Variants in XIST observed in about 807,000 individuals in gnomAD.
The protein encoded by XIST is X inactive specific transcript, also known as X inactive specific transcript (non-protein coding).
chrX:73,841,269 T>G, intron 1 of XIST: 1 of 408,289 alleles, frequency 2.4e-6, no homozygotes, highest in Non-Finnish European at 4.2e-6. Context: ...GCAGATGAGG[T>G]GGGAAGAAGG....
chrX:73,842,308 G>A (rs1427224120), exon 1 of XIST: 3 of 553,052 alleles, frequency 5.4e-6, no homozygotes, highest in African/African-American at 2.2e-5. Context: ...TGCAGAGAAA[G>A]TGCCAACCTT....
At chrX:73,826,642 G>A (rs985477619) in exon 6 of XIST, 2 of 557,441 alleles carry the variant, frequency 3.6e-6, no homozygotes, top group African/African-American at 2.2e-5. Flanking sequence ...AGGGTTTAGG[G>A]TTCTCATCTT....
At chrX:73,838,201 T>C (rs1298257112) in intron 1 of XIST, among the ~76,000 whole-genome samples, 1 of 111,344 alleles carries the variant, frequency 9.0e-6, no homozygotes, top group Non-Finnish European at 1.9e-5. Flanking sequence ...AAATATACTA[T>C]GCCACTAGTT....
chrX:73,822,179 T>C (rs1394805451), exon 6 of XIST: 1 of 557,055 alleles, frequency 1.8e-6, no homozygotes, highest in Non-Finnish European at 3.2e-6. Flanking sequence ...TCCCTCCTGC[T>C]GCCCAGCAGT....
chrX:73,835,988 G>A (rs985270158), intron 2 of XIST, among the ~76,000 whole-genome samples: 14 of 111,334 alleles, frequency 1.3e-4, no homozygotes, highest in African/African-American at 4.6e-4. Context: ...TTATATTTGG[G>A]TTACAATTGC....
At position 73,846,011 on chromosome X, in the gene XIST, T is replaced by C. The variant is rs773834861; in HGVS notation, n.6713A>G. 3 of 553,806 alleles carry C rather than the reference T, an allele frequency of 5.4e-6. No individual in the cohort carries two copies. In the South Asian group the frequency reaches 6.7e-5, roughly 12 times the overall value. 45.6% of individuals were successfully genotyped at this position (553,806 alleles called of 1,213,427 possible). ...TATGCACATTAATGTCCAAGGTGTA[T>C]GCCTGTGGTCACTTACAACTGTGCA... On this transcript the variant is annotated non_coding_transcript_exon_variant, in exon 1 of 6. Coordinates refer to ENST00000429829, the Ensembl canonical transcript of XIST.
At chrX:73,831,252 A>G (rs780814464) in exon 4 of XIST, 8 of 545,189 alleles carry the variant, frequency 1.5e-5, no homozygotes, top group Non-Finnish European at 6.6e-6. Context: ...GTAAAACAAC[A>G]AGCCTATTCT....
exon 1 of XIST, chrX:73,842,107 T>C (rs949706259): frequency 7.5e-6 from 4 of 535,943 alleles, no homozygotes; most frequent in Non-Finnish European, 1.3e-5. Flanking sequence ...AATGGATATT[T>C]TGGCTTCAAA....
chrX:73,846,737 T>C, exon 1 of XIST: 2 of 559,100 alleles, frequency 3.6e-6, no homozygotes, highest in South Asian at 2.2e-5. Context: ...TCACACATAT[T>C]GGGAGGCCAA....
exon 6 of XIST, chrX:73,824,535 G>GTATT (rs1447197526): frequency 1.8e-6 from 1 of 555,005 alleles, no homozygotes; most frequent in Non-Finnish European, 3.3e-6. Flanking sequence ...TATTTAACAG[G>GTATT]TATTTAAACC....
exon 6 of XIST, chrX:73,827,151 G>A (rs1421048093): frequency 1.8e-6 from 1 of 558,309 alleles, no homozygotes; most frequent in African/African-American, 2.2e-5. Context: ...GGGTTTTACT[G>A]CAGTCTAGGG....
At chrX:73,841,079 C>T (rs1430691225) in intron 1 of XIST, among the ~76,000 whole-genome samples, 4 of 111,642 alleles carry the variant, frequency 3.6e-5, no homozygotes, top group Admixed American at 1.9e-4. Flanking sequence ...AGCTCCTCAA[C>T]GATAAAATCA....
chrX:73,852,024 A>C, exon 1 of XIST: 1 of 555,000 alleles, frequency 1.8e-6, no homozygotes, highest in Non-Finnish European at 3.3e-6. Context: ...AAAAAAAATC[A>C]AAGCAGGTAT....
At chrX:73,824,081 T>A (rs1450573425) in exon 6 of XIST, 3 of 552,445 alleles carry the variant, frequency 5.4e-6, no homozygotes, top group Admixed American at 2.2e-5. Context: ...TCAATGATCA[T>A]TCAGCAGATA....
At chrX:73,842,683 G>A (rs1000108401) in exon 1 of XIST, 23 of 556,037 alleles carry the variant, frequency 4.1e-5, no homozygotes, top group Middle Eastern at 6.1e-4. Context: ...GAAGCAATGC[G>A]AAAGGAAGTA....
rs150263261 is a variant in XIST at position 73,827,968 on chromosome X, A to C, written n.11933T>G. ...CAAAGAGCAAAGACAAGAAAGAAAG[A>C]GACAAAGAAATACACACTTGAGTGC... On this transcript the variant is annotated non_coding_transcript_exon_variant, in exon 6 of 6. Transcript: ENST00000429829. The C allele has an allele frequency of 5.9e-5, 30 of 512,218 alleles. No individual in the cohort carries two copies. The African/African-American group carries it at 6.7e-4, about 11-fold the overall frequency. 42.2% of individuals were successfully genotyped at this position (512,218 alleles called of 1,213,427 possible). A position where few individuals can be genotyped will look rare whatever the true frequency, so the allele number is the denominator to read the frequency against.
At chrX:73,850,057 G>A in exon 1 of XIST, 1 of 558,982 alleles carries the variant, frequency 1.8e-6, no homozygotes, top group Non-Finnish European at 3.2e-6. Flanking sequence ...CTGATAAGTA[G>A]GTGATTAGTC....
intron 2 of XIST, among the ~76,000 whole-genome samples, chrX:73,834,705 G>A (rs1922447197): frequency 9.0e-6 from 1 of 111,332 alleles, no homozygotes; most frequent in African/African-American, 3.3e-5. Context: ...AATCACATAG[G>A]CCAGGCGCAG....
rs41305401 is a variant in XIST at position 73,825,397 on chromosome X, C to G, written n.14504G>C. The G allele has an allele frequency of 3.8e-3, 2,122 of 556,144 alleles. 7 individuals are homozygous for G. The highest frequency in any genetic ancestry group is 8.0e-3 in the Middle Eastern group (26 of 3,238). 45.8% of individuals were successfully genotyped at this position (556,144 alleles called of 1,213,427 possible). The stretch of plus-strand genomic sequence containing the variant: ...CTTTCTTTGTATCCACAACGCTTAT[C>G]ACAGTAGAATACAAGTGCTTTACAG... On this transcript the variant is annotated non_coding_transcript_exon_variant, in exon 6 of 6. Coordinates refer to ENST00000429829, the Ensembl canonical transcript of XIST.
Sources: gnomAD v4.1 joint callset for allele counts (sites outside exome capture counted in the v4.1 genomes callset) on GRCh38, gnomAD v4.1.1 for gene constraint, MANE v1.5 for transcripts, NCBI Gene and HGNC (gene_info 2026-07-23, HGNC 2026-07-21) for gene names.